DNAH5: variants seen among roughly 807,000 people sequenced by gnomAD.
The protein encoded by DNAH5 is dynein axonemal heavy chain 5.
A neutral mutation model predicts 518.2 loss-of-function variants in DNAH5; 372 were observed. The observed-to-expected ratio is 0.72, with a 90% CI of 0.66 to 0.78. The LOEUF is 0.78. Ranked by LOEUF, DNAH5 falls within the 30% of genes least tolerant of loss-of-function variation. The probability of loss-of-function intolerance (pLI) is 0.00; values close to 1 mark genes in which losing one functional copy is unlikely to be tolerated. For synonymous variants in DNAH5, 2,039 were observed against 2,025.9 expected (o/e 1.01, Z -0.17); for missense variants, 5,523 against 5,687.0 (o/e 0.97, Z 0.93).
chr5:13,852,226 G>C (rs795515), intron 30 of DNAH5, among the ~76,000 whole-genome samples: 9,387 of 152,128 alleles, frequency 0.062, 310 homozygotes, highest in African/African-American at 0.079. Flanking sequence ...GGAGTGCAAC[G>C]GTGTGATCTC....
chr5:13,775,140 T>TA (rs1322816721), intron 55 of DNAH5, among the ~76,000 whole-genome samples: 1 of 151,472 alleles, frequency 6.6e-6, no homozygotes, highest in Non-Finnish European at 1.5e-5. Flanking sequence ...TTTGTTTTTT[T>TA]TTTTTTTCAA....
chr5:13,829,917 T>G, intron 37 of DNAH5, 109 bp downstream of exon 37: 1 of 491,264 alleles, frequency 2.0e-6, no homozygotes, highest in South Asian at 2.7e-5. Flanking sequence ...GGAGGTAAAG[T>G]TACAATCCCA....
intron 60 of DNAH5, among the ~76,000 whole-genome samples, chr5:13,759,219 A>G (rs1751449927): frequency 6.6e-6 from 1 of 152,238 alleles, no homozygotes; most frequent in Non-Finnish European, 1.5e-5. Flanking sequence ...TTTTCTTTAA[A>G]GTGCCAGATA....
chr5:13,979,297 G>A (rs566372272), intron 1 of DNAH5, among the ~76,000 whole-genome samples: 2 of 151,974 alleles, frequency 1.3e-5, no homozygotes, highest in South Asian at 2.1e-4. Flanking sequence ...CACCATACAC[G>A]CTTGAGGCTC....
chr5:13,937,963 G>A (rs10051196), intron 1 of DNAH5, among the ~76,000 whole-genome samples: 60,666 of 151,976 alleles, frequency 0.4, 13,437 homozygotes, highest in East Asian at 0.7. Context: ...CAAGGTTTCC[G>A]TTTCTATGGT....
chr5:13,720,963 G>T, intron 71 of DNAH5, 37 bp downstream of exon 71: 2 of 1,613,688 alleles, frequency 1.2e-6, no homozygotes, highest in South Asian at 2.2e-5. Flanking sequence ...CCTGTAATAT[G>T]AACAGCATGG....
In DNAH5 at chr5:13,735,926, G is replaced by A. The variant is rs374858945; in HGVS notation, c.11462C>T (p.Thr3821Met). 22 of 1,613,126 alleles carry A rather than the reference G, an allele frequency of 1.4e-5. No individual in the cohort carries two copies. In the South Asian group the frequency reaches 1.4e-4, roughly 10 times the overall value. ...SAREEYRPVA[T>M]RGSILYFLIT... ...GAGGAAGTAGAGGATGCTGCCCCGCGTAGCCACTGGAAGACAAAGAGCAAG... is the reference window on the plus strand; with the variant it reads ...GAGGAAGTAGAGGATGCTGCCCCGCATAGCCACTGGAAGACAAAGAGCAAG... The change falls in exon 67 of 79, where the codon ACG becomes ATG. Residue 3821 changes from threonine to methionine, a missense_variant. Physicochemically the swap from Thr to Met is moderately conservative, Grantham distance 81. Transcript: ENST00000265104.
chr5:13,786,784 G>A (rs978376404), intron 51 of DNAH5, among the ~76,000 whole-genome samples: 6 of 152,144 alleles, frequency 3.9e-5, no homozygotes, highest in Non-Finnish European at 8.8e-5. Flanking sequence ...ATGAATCTCA[G>A]GTCAGTGGTA....
chr5:13,776,364 G>T, intron 55 of DNAH5, 75 bp downstream of exon 55: 1 of 1,583,116 alleles, frequency 6.3e-7, no homozygotes, highest in Non-Finnish European at 8.7e-7. Context: ...CTGAGGCAGA[G>T]CCTTCAAGCA....
chr5:13,833,909 A>G (rs568844278), intron 35 of DNAH5, among the ~76,000 whole-genome samples: 30 of 152,362 alleles, frequency 2.0e-4, no homozygotes, highest in Non-Finnish European at 3.7e-4. Flanking sequence ...TCCACATGGC[A>G]TTGAGCTTCC....
intron 30 of DNAH5, among the ~76,000 whole-genome samples, chr5:13,852,779 TGCA>T (rs1767070688): frequency 1.1e-4 from 17 of 152,204 alleles, no homozygotes; most frequent in Admixed American, 1.1e-3. Context: ...CAGAGCCCAC[TGCA>T]GCACCACAAA....
rs773770450 is a variant in DNAH5, at chr5:13,922,194, G to A, written c.573C>T (p.Asp191=). The change falls in exon 5 of 79, where the codon GAC becomes GAT. Residue 191 remains aspartate, a synonymous_variant. Coordinates refer to ENST00000265104, the MANE Select transcript of DNAH5 (RefSeq NM_001369.3). The part of the protein sequence containing the change: ...HGWGELEGLQ[D]AANIRQEFLS... ...AGAACTCCTGGCGAATGTTAGCTGC[G>A]TCCTGAAGGCCCTCGAGCTCGCCCC... The A allele has an allele frequency of 3.9e-5, 63 of 1,614,004 alleles. No homozygotes were observed. The Middle Eastern group carries it at 4.9e-4, about 13-fold the overall frequency.
At chr5:13,703,106 G>A (rs893983430) in intron 76 of DNAH5, among the ~76,000 whole-genome samples, 22 of 151,954 alleles carry the variant, frequency 1.4e-4, no homozygotes, top group African/African-American at 5.1e-4. Flanking sequence ...CCTCATTCTG[G>A]AACATTCTCT....
intron 12 of DNAH5, among the ~76,000 whole-genome samples, chr5:13,906,195 C>A (rs1460992013): frequency 6.6e-6 from 1 of 152,198 alleles, no homozygotes. Context: ...ATCCTTGTAT[C>A]TTTGTCCAAA....
chr5:13,890,566 T>C (rs764930483), intron 17 of DNAH5, among the ~76,000 whole-genome samples: 16 of 152,186 alleles, frequency 1.1e-4, no homozygotes, highest in Non-Finnish European at 2.2e-4. Flanking sequence ...TTGTGTGCTA[T>C]AGAACACCAG....
At chr5:13,696,721 C>T (rs1048254752) in intron 78 of DNAH5, among the ~76,000 whole-genome samples, 4 of 152,092 alleles carry the variant, frequency 2.6e-5, no homozygotes, top group African/African-American at 9.7e-5. Context: ...AAAGGGGTAA[C>T]AGAATGTTAG....
At chr5:14,009,619 G>A (rs962858439) in intron 1 of DNAH5, among the ~76,000 whole-genome samples, 2 of 152,178 alleles carry the variant, frequency 1.3e-5, no homozygotes, top group African/African-American at 2.4e-5. Flanking sequence ...CCAATATGAG[G>A]GTTAAGAAAA....
At chr5:13,806,313 T>C (rs1439902770) in intron 47 of DNAH5, among the ~76,000 whole-genome samples, 2 of 152,136 alleles carry the variant, frequency 1.3e-5, no homozygotes, top group East Asian at 1.9e-4. Context: ...CCAGACACTA[T>C]ATGAATGGTA....
chr5:13,886,865 G>A (rs553058436), intron 17 of DNAH5, among the ~76,000 whole-genome samples: 1 of 152,218 alleles, frequency 6.6e-6, no homozygotes, highest in Non-Finnish European at 1.5e-5. Context: ...TGATATAGTA[G>A]AACTCACTGT....
Sources: gnomAD v4.1 joint callset for allele counts (sites outside exome capture counted in the v4.1 genomes callset) on GRCh38, gnomAD v4.1.1 for gene constraint, MANE v1.5 for transcripts, NCBI Gene and HGNC (gene_info 2026-07-23, HGNC 2026-07-21) for gene names.